FOCAD: variants seen among roughly 807,000 people sequenced by gnomAD.
The protein encoded by FOCAD is focadhesin.
In FOCAD, 198 loss-of-function variants were observed where a neutral mutation model predicts 225.6. That is an observed-to-expected ratio of 0.88 (90% CI 0.78 to 0.99). The LOEUF (loss-of-function observed/expected upper bound fraction) is 0.99. Among genes scored for constraint, FOCAD ranks in the 50% least tolerant of loss-of-function variants. The pLI is 0.00. For synonymous variants in FOCAD, 897 were observed against 755.0 expected, an observed-to-expected ratio of 1.19 and a Z score of -3.08; for missense variants, 2,713 against 2,123.6, an observed-to-expected ratio of 1.28 and a Z score of -5.46.
In FOCAD at chr9:20,944,648, T is replaced by G. The variant is rs769694000; in HGVS notation, c.3429T>G (p.Val1143=). Reference sequence around the variant, plus strand: ...CAAGCACGGGCTGTATATTGGGAGTTGGACTTGTTCTGTCCCTCATGAGCC... The same window carrying G: ...CAAGCACGGGCTGTATATTGGGAGTGGGACTTGTTCTGTCCCTCATGAGCC... ...LEYNTGCILG[V]GLVLSLMSHS... Residue 1143 remains valine, a synonymous_variant, in exon 29 of 44, where the codon GTT becomes GTG. Coordinates refer to ENST00000338382, the MANE Select transcript of FOCAD (RefSeq NM_001375567.1). 4.8e-5 allele frequency: 78 copies of G among 1,613,648 alleles called. No individual in the cohort carries two copies. Among genetic ancestry groups the G allele is most frequent in the Admixed American group, 1.2e-4 (7 of 59,960 alleles).
At chr9:20,975,334 A>T (rs1388765738) in intron 35 of FOCAD, among the ~76,000 whole-genome samples, 1 of 152,220 alleles carries the variant, frequency 6.6e-6, no homozygotes, top group Admixed American at 6.5e-5. Context: ...AAATAGGAAT[A>T]TAATATTAAA....
intron 7 of FOCAD, among the ~76,000 whole-genome samples, chr9:20,767,671 TG>T (rs1194960388): frequency 1.2e-3 from 170 of 142,664 alleles, no homozygotes; most frequent in African/African-American, 4.2e-3. Flanking sequence ...TTGATGGGGT[TG>T]TTTGTTTTTT....
chr9:20,658,615 C>G (rs1404256633), intron 1 of FOCAD: 8 of 153,770 alleles, frequency 5.2e-5, no homozygotes, highest in Non-Finnish European at 1.2e-4. Context: ...CCAGGTGAGG[C>G]AATGCCTCGC....
rs796347489 is a variant in FOCAD at position 20,984,735 on chromosome 9, T to C, written c.4729-1553T>C. On this transcript the variant is annotated intron_variant, in intron 39 of 43. Coordinates refer to ENST00000338382, the MANE Select transcript of FOCAD (RefSeq NM_001375567.1). ...AAGGGAAACGTGTGCTAATAGTCTT[T>C]TCACATAATTACGGACATCCTTCTT... Among the ~76,000 whole-genome samples the C allele has an allele frequency of 9.2e-5, 14 of 152,296 alleles. 1 individual carries two copies. The highest frequency in any genetic ancestry group is 3.4e-4 in the African/African-American group (14 of 41,554).
At position 20,742,933 on chromosome 9, in the gene FOCAD, T is replaced by G. The variant is rs79138058; in HGVS notation, c.392+2593T>G. Reference sequence around the variant, plus strand: ...CTGAGTTGGCATAATCTGGTAATGTTTATGGAGAGCCCTTATGTGAATGGC... The same window carrying G: ...CTGAGTTGGCATAATCTGGTAATGTGTATGGAGAGCCCTTATGTGAATGGC... On this transcript the variant is annotated intron_variant, in intron 5 of 43. Coordinates refer to ENST00000338382, the MANE Select transcript of FOCAD (RefSeq NM_001375567.1). Among the ~76,000 whole-genome samples the G allele has an allele frequency of 3.9e-4, 59 of 152,302 alleles. 1 individual carries two copies. In the East Asian group the frequency reaches 5.6e-3, roughly 14 times the overall value.
At chr9:20,875,197 G>T in intron 19 of FOCAD, 1 of 178,110 alleles carries the variant, frequency 5.6e-6, no homozygotes, top group South Asian at 1.3e-4. Flanking sequence ...TTACTGAGTA[G>T]TTTCATTATT....
At chr9:20,656,818 T>C (rs59508745), upstream of FOCAD, among the ~76,000 whole-genome samples, 16,302 of 152,202 alleles carry the variant, frequency 0.11, 1,921 homozygotes, top group African/African-American at 0.29. Context: ...GATCCTGTCA[T>C]TATGATGTTA....
At chr9:20,986,140 C>T in intron 39 of FOCAD, 148 bp from the exon 40 acceptor site, 1 of 666,466 alleles carries the variant, frequency 1.5e-6, no homozygotes, top group Admixed American at 3.5e-5. Context: ...GTTAATTTAG[C>T]ACACAGGCAG....
chr9:20,921,418 G>T (rs1834420356), intron 24 of FOCAD, among the ~76,000 whole-genome samples: 1 of 152,172 alleles, frequency 6.6e-6, no homozygotes, highest in African/African-American at 2.4e-5. Context: ...ACTGGTAGGG[G>T]ATAGTTATTT....
At chr9:20,719,864 C>G (rs892817696) in intron 3 of FOCAD, among the ~76,000 whole-genome samples, 1 of 144,500 alleles carries the variant, frequency 6.9e-6, no homozygotes, top group African/African-American at 2.6e-5. Context: ...ATATCTGGGC[C>G]CACGTTAGAC....
chr9:20,788,857 G>A (rs1439150599), intron 10 of FOCAD, among the ~76,000 whole-genome samples: 1 of 152,156 alleles, frequency 6.6e-6, no homozygotes, highest in Non-Finnish European at 1.5e-5. Flanking sequence ...TGAATTCCCA[G>A]GCTCCAGCTG....
intron 2 of FOCAD, among the ~76,000 whole-genome samples, chr9:20,666,880 A>C (rs886519937): frequency 3.3e-5 from 5 of 152,244 alleles, no homozygotes; most frequent in African/African-American, 1.2e-4. Context: ...AATTGTAAAC[A>C]TGTATGTGTA....
At chr9:20,714,604 TTGCCTGCC>T (rs199729075) in intron 1 of FOCAD, among the ~76,000 whole-genome samples, 2 of 59,298 alleles carry the variant, frequency 3.4e-5, no homozygotes, top group South Asian at 6.8e-4. Flanking sequence ...TTTTGCATGC[TTGCCTGCC>T]TGCCTGCCTG....
chr9:20,772,540 T>TA (rs1392742159), intron 8 of FOCAD, among the ~76,000 whole-genome samples: 21 of 152,146 alleles, frequency 1.4e-4, no homozygotes, highest in African/African-American at 5.1e-4. Context: ...AATATCTCAA[T>TA]AAGAGGGAGT....
intron 26 of FOCAD, chr9:20,928,876 C>G (rs1390372488): frequency 6.6e-6 from 1 of 152,588 alleles, no homozygotes; most frequent in Non-Finnish European, 1.5e-5. Context: ...ATACTTGCTT[C>G]TCCATACTAA....
intron 35 of FOCAD, among the ~76,000 whole-genome samples, chr9:20,969,452 C>T (rs1220487280): frequency 1.3e-5 from 2 of 152,002 alleles, no homozygotes; most frequent in East Asian, 3.9e-4. Flanking sequence ...GGGGGCTCTA[C>T]TGTTTGATTT....
chr9:20,742,074 A>G (rs1038874199), intron 5 of FOCAD, among the ~76,000 whole-genome samples: 9 of 152,184 alleles, frequency 5.9e-5, no homozygotes, highest in Admixed American at 2.6e-4. Context: ...GAACATCTTC[A>G]TCATCTCCAA....
intron 21 of FOCAD, among the ~76,000 whole-genome samples, chr9:20,902,751 G>A (rs555662031): frequency 2.0e-4 from 31 of 151,868 alleles, no homozygotes; most frequent in Non-Finnish European, 4.1e-4. Context: ...CTCAAGAATT[G>A]AGTCTCAAGG....
intron 11 of FOCAD, among the ~76,000 whole-genome samples, chr9:20,798,211 T>G (rs967504758): frequency 2.0e-5 from 3 of 152,194 alleles, no homozygotes; most frequent in Admixed American, 2.0e-4. Flanking sequence ...TTGATCATGG[T>G]GGTTAAGCTT....
Sources: allele counts gnomAD v4.1 joint callset (sites outside exome capture counted in the v4.1 genomes callset), GRCh38; gene constraint gnomAD v4.1.1; transcripts MANE v1.5; gene names NCBI Gene and HGNC (gene_info 2026-07-23, HGNC 2026-07-21).